Variants in TMEM132D observed in about 807,000 individuals in gnomAD.
The protein encoded by TMEM132D is transmembrane protein 132D.
Under a neutral mutation model 62.3 loss-of-function variants are expected in TMEM132D, and 21 were observed. That is an observed-to-expected ratio of 0.34 (90% CI 0.24 to 0.49). The LOEUF is 0.49. Ranked by LOEUF, TMEM132D falls within the 20% of genes least tolerant of loss-of-function variation. TMEM132D has a pLI of 0.99. For missense variants in TMEM132D, 1,346 were observed against 1,402.8 expected (o/e 0.96, Z 0.65); for synonymous variants, 621 against 575.6 (o/e 1.08, Z -1.13).
intron 1 of TMEM132D, among the ~76,000 whole-genome samples, chr12:129,797,700 C>T (rs1181715706): frequency 2.0e-5 from 3 of 152,210 alleles, no homozygotes; most frequent in Non-Finnish European, 2.9e-5. Context: ...TGCCTGGGGG[C>T]TTCATCACAG....
chr12:129,794,848 A>T (rs535136291), intron 1 of TMEM132D, among the ~76,000 whole-genome samples: 1 of 152,286 alleles, frequency 6.6e-6, no homozygotes, highest in South Asian at 2.1e-4. Flanking sequence ...GAATCATATC[A>T]CTGCTAAGTA....
chr12:129,488,835 A>AG (rs985304758), intron 3 of TMEM132D, among the ~76,000 whole-genome samples: 11 of 152,002 alleles, frequency 7.2e-5, no homozygotes, highest in African/African-American at 2.7e-4. Flanking sequence ...TTAAAAAAAA[A>AG]AAAGCCAAAA....
At chr12:129,175,886 A>G (rs1355749143) in intron 5 of TMEM132D, among the ~76,000 whole-genome samples, 1 of 152,234 alleles carries the variant, frequency 6.6e-6, no homozygotes, top group Non-Finnish European at 1.5e-5. Context: ...AGTAGAGTTG[A>G]AACTCTTATA....
At chr12:129,543,415 T>C (rs190190692) in intron 2 of TMEM132D, among the ~76,000 whole-genome samples, 47 of 131,754 alleles carry the variant, frequency 3.6e-4, no homozygotes, top group Middle Eastern at 3.7e-3. Context: ...GATAGACAGA[T>C]AGATAGATAT....
At chr12:129,262,288 C>T (rs140238675) in intron 4 of TMEM132D, 30 of 152,302 alleles carry the variant, frequency 2.0e-4, no homozygotes, top group African/African-American at 6.7e-4. Flanking sequence ...AATGAATTTG[C>T]TAATTATTCT....
At chr12:129,678,685 TAAGA>T (rs1291526977) in intron 2 of TMEM132D, among the ~76,000 whole-genome samples, 1 of 152,098 alleles carries the variant, frequency 6.6e-6, no homozygotes, top group Non-Finnish European at 1.5e-5. Flanking sequence ...TTTGGTAGAT[TAAGA>T]AAGTCTAAAT....
chr12:129,250,722 G>A (rs1307595606), intron 4 of TMEM132D, among the ~76,000 whole-genome samples: 1 of 152,192 alleles, frequency 6.6e-6, no homozygotes, highest in African/African-American at 2.4e-5. Flanking sequence ...GGCTGAGTCT[G>A]GGGAGGATGA....
Position 129,305,470 on chromosome 12 carries a change from G to T in TMEM132D, c.1299+32164C>A, listed in dbSNP as rs116659600. Reference sequence around the variant, plus strand: ...CATCAAATTATGTATTAGTTACAATGCAAAGGTAAAGGAATTGAGTATAGA... The same window carrying T: ...CATCAAATTATGTATTAGTTACAATTCAAAGGTAAAGGAATTGAGTATAGA... On this transcript the variant is annotated intron_variant, in intron 4 of 8. Coordinates refer to ENST00000422113, the MANE Select transcript of TMEM132D (RefSeq NM_133448.3). Among the ~76,000 whole-genome samples the T allele has an allele frequency of 7.7e-3, 1,175 of 152,124 alleles. 14 individuals carry two copies. The highest frequency in any genetic ancestry group is 0.027 in the African/African-American group (1,118 of 41,528).
At chr12:129,244,394 A>ACC (rs1555240884) in intron 4 of TMEM132D, among the ~76,000 whole-genome samples, 13 of 45,420 alleles carry the variant, frequency 2.9e-4, no homozygotes, top group Admixed American at 1.8e-3. Context: ...TCAAAAAAAA[A>ACC]AAAAAAAAAA....
intron 2 of TMEM132D, among the ~76,000 whole-genome samples, chr12:129,615,869 T>C (rs1247386756): frequency 6.6e-6 from 1 of 152,130 alleles, no homozygotes; most frequent in East Asian, 1.9e-4. Flanking sequence ...GAACACAGAC[T>C]TGCTACCCCC....
chr12:129,600,580 A>G (rs1056217202), intron 2 of TMEM132D, among the ~76,000 whole-genome samples: 1 of 152,252 alleles, frequency 6.6e-6, no homozygotes. Flanking sequence ...TATCAAAGGT[A>G]TGACTTGAAA....
chr12:129,711,726 T>A (rs7297779), intron 1 of TMEM132D, among the ~76,000 whole-genome samples: 1 of 130,604 alleles, frequency 7.7e-6, no homozygotes, highest in Non-Finnish European at 1.5e-5. Flanking sequence ...AAATTCCATC[T>A]CCAAAAAAAA....
chr12:129,790,391 G>A (rs898636134), intron 1 of TMEM132D, among the ~76,000 whole-genome samples: 3 of 152,154 alleles, frequency 2.0e-5, no homozygotes, highest in African/African-American at 7.2e-5. Context: ...GTAAATGTGG[G>A]GGATTTTATT....
chr12:129,539,242 T>A (rs184248647), intron 2 of TMEM132D, among the ~76,000 whole-genome samples: 1 of 151,734 alleles, frequency 6.6e-6, no homozygotes, highest in East Asian at 1.9e-4. Flanking sequence ...GGATTTTTTT[T>A]TTTTTTTGAG....
chr12:129,324,776 C>T (rs750709055), intron 4 of TMEM132D, among the ~76,000 whole-genome samples: 45 of 151,840 alleles, frequency 3.0e-4, no homozygotes, highest in Non-Finnish European at 5.9e-5. Flanking sequence ...TGCAGTGAGC[C>T]GAGATCGTGC....
At chr12:129,497,999 C>G (rs1875011309) in intron 3 of TMEM132D, among the ~76,000 whole-genome samples, 1 of 152,102 alleles carries the variant, frequency 6.6e-6, no homozygotes, top group Non-Finnish European at 1.5e-5. Context: ...AAAATACTGA[C>G]ACATTTCCCA....
chr12:129,584,193 G>C (rs1232188866), intron 2 of TMEM132D, among the ~76,000 whole-genome samples: 1 of 152,130 alleles, frequency 6.6e-6, no homozygotes, highest in Admixed American at 6.5e-5. Context: ...TTGTCAAAAA[G>C]TTTCAAAGAA....
At chr12:129,160,509 C>T (rs983386405) in intron 5 of TMEM132D, among the ~76,000 whole-genome samples, 1 of 152,222 alleles carries the variant, frequency 6.6e-6, no homozygotes, top group Admixed American at 6.5e-5. Context: ...CTGCTGACAT[C>T]CCTCTTGCTT....
At chr12:129,534,791 G>A (rs1229564863) in intron 2 of TMEM132D, among the ~76,000 whole-genome samples, 1 of 152,104 alleles carries the variant, frequency 6.6e-6, no homozygotes, top group Admixed American at 6.6e-5. Flanking sequence ...AAAGGTTGGG[G>A]GAAATTCACC....
Sources: gnomAD v4.1 joint callset for allele counts (sites outside exome capture counted in the v4.1 genomes callset) on GRCh38, gnomAD v4.1.1 for gene constraint, MANE v1.5 for transcripts, NCBI Gene and HGNC (gene_info 2026-07-23, HGNC 2026-07-21) for gene names.